Variants in PCDHGA7 observed in about 807,000 individuals in gnomAD.
PCDHGA7 encodes the protein protocadherin gamma subfamily A, 7.
Under a neutral mutation model 58.3 loss-of-function variants are expected in PCDHGA7, and 44 were observed. The ratio of observed to expected loss-of-function variants is 0.75; its 90% CI spans 0.59 to 0.97. The LOEUF (loss-of-function observed/expected upper bound fraction) is 0.97, where lower values mean the gene tolerates loss of function less well. Among genes scored for constraint, PCDHGA7 ranks in the 50% least tolerant of loss-of-function variants. The pLI is 0.00. For missense variants in PCDHGA7, 1,266 were observed against 1,188.7 expected (o/e 1.06, Z -0.96); for synonymous variants, 516 against 504.2 (o/e 1.02, Z -0.31).
chr5:141,410,167 T>A (rs372848702), intron 1 of PCDHGA7: 1 of 1,613,770 alleles, frequency 6.2e-7, no homozygotes, highest in South Asian at 1.1e-5. Flanking sequence ...CGCCACTCTC[T>A]GCCACCGCCA....
At position 141,410,612 on chromosome 5, in the gene PCDHGA7, C is replaced by CT. The variant is rs748943892; in HGVS notation, c.2424+25290dup. The CT allele has an allele frequency of 5.6e-6, 9 of 1,605,878 alleles. 1 individual carries two copies. The South Asian group carries it at 9.9e-5, about 18-fold the overall frequency. On this transcript the variant is annotated intron_variant, in intron 1 of 3. Transcript: ENST00000518325. ...GGATTTGACTTCACATCCTGAGACT[C>CT]TGACTTCGGTGAGTTTCTCTTTTTT...
intron 1 of PCDHGA7, chr5:141,393,380 C>T (rs771237283): frequency 6.2e-7 from 1 of 1,613,988 alleles, no homozygotes; most frequent in South Asian, 1.1e-5. Context: ...ACAATGGAGC[C>T]ATAAACCCAG....
rs776219135 is a variant in PCDHGA7, at chr5:141,403,980, A to G, written c.2424+18657A>G. ...ATTTCGGTGGAAGATGTAAATGACA[A>G]TAGACCTGAAGTGACCATTACATCT... On this transcript the variant is annotated intron_variant, in intron 1 of 3. Coordinates refer to ENST00000518325, the MANE Select transcript of PCDHGA7 (RefSeq NM_018920.4). The G allele has an allele frequency of 5.0e-6, 8 of 1,613,890 alleles. No homozygotes were observed. In the South Asian group the frequency reaches 8.8e-5, roughly 18 times the overall value.
At chr5:141,426,655 A>C (rs2096950037) in intron 1 of PCDHGA7, 1 of 424,748 alleles carries the variant, frequency 2.4e-6, no homozygotes, top group Non-Finnish European at 4.8e-6. Flanking sequence ...ATGATAGAAG[A>C]TATAAATGAT....
Position 141,485,548 on chromosome 5 carries a change from T to C in PCDHGA7, c.2425-9259T>C, listed in dbSNP as rs749739126. ...ACCGAGCAGAGGTAGAGATCGTAGA[T>C]GTGAATGATCACGCCCCCCGTTTTC... On this transcript the variant is annotated intron_variant, in intron 1 of 3. Transcript: ENST00000518325. This position sits in a 1 kb window ranked among gnomAD's most constrained non-coding sequence, Gnocchi z 5.7. The C allele has an allele frequency of 3.1e-6, 5 of 1,614,040 alleles. No homozygotes were observed. The highest frequency in any genetic ancestry group is 3.4e-6 in the Non-Finnish European group (4 of 1,179,942).
chr5:141,436,040 C>T (rs989038133), intron 1 of PCDHGA7, among the ~76,000 whole-genome samples: 1 of 152,060 alleles, frequency 6.6e-6, no homozygotes, highest in African/African-American at 2.4e-5. Context: ...TTTGTATTTA[C>T]ATTAGTTTTC....
At chr5:141,503,517 T>C (rs6878542) in intron 2 of PCDHGA7, among the ~76,000 whole-genome samples, 77,350 of 150,132 alleles carry the variant, frequency 0.52, 20,504 homozygotes, top group African/African-American at 0.63. Flanking sequence ...GAGAATCACT[T>C]GAACCTGGGA....
At chr5:141,387,891 A>T (rs774395551) in intron 1 of PCDHGA7, 36 of 1,554,882 alleles carry the variant, frequency 2.3e-5, no homozygotes, top group Non-Finnish European at 2.9e-5. Context: ...AGGGATGGGG[A>T]GCGGCGCCGG....
chr5:141,428,861 T>G (rs1435613271), intron 1 of PCDHGA7: 1 of 73,058 alleles, frequency 1.4e-5, no homozygotes, highest in Non-Finnish European at 2.5e-5. Flanking sequence ...TACGGGAGAC[T>G]TTTTTTTTTT....
At position 141,432,180 on chromosome 5, in the gene PCDHGA7, T is replaced by G. The variant is rs943491593; in HGVS notation, c.2424+46857T>G. 2 of 1,614,044 alleles carry G rather than the reference T, an allele frequency of 1.2e-6. No homozygotes were observed. The highest frequency in any genetic ancestry group is 1.7e-6 in the Non-Finnish European group (2 of 1,180,036). ...CCCAGAGGAGTTTCCCTCGTCTCTG[T>G]GACCGCCCACGACCCCGACTGTGAA... On this transcript the variant is annotated intron_variant, in intron 1 of 3. Coordinates refer to ENST00000518325, the MANE Select transcript of PCDHGA7 (RefSeq NM_018920.4). This position sits in a 1 kb window ranked among gnomAD's most constrained non-coding sequence, Gnocchi z 6.0.
intron 1 of PCDHGA7, chr5:141,413,606 TA>T (rs778210256): frequency 6.8e-6 from 11 of 1,613,848 alleles, no homozygotes; most frequent in Admixed American, 5.0e-5. Context: ...AATCTAGACG[TA>T]AAAATTAATG....
intron 1 of PCDHGA7, among the ~76,000 whole-genome samples, chr5:141,483,432 A>G (rs756227206): frequency 2.0e-5 from 3 of 152,200 alleles, no homozygotes; most frequent in African/African-American, 4.8e-5. Flanking sequence ...GAGGGAGCTG[A>G]CTACAATAAA....
intron 1 of PCDHGA7, chr5:141,415,589 T>C: frequency 1.2e-6 from 2 of 1,614,062 alleles, no homozygotes; most frequent in Non-Finnish European, 1.7e-6. Flanking sequence ...AAGTTTCCTA[T>C]AGAGGATACC....
At chr5:141,496,509 C>A (rs955577717) in intron 2 of PCDHGA7, among the ~76,000 whole-genome samples, 3 of 152,168 alleles carry the variant, frequency 2.0e-5, no homozygotes, top group Non-Finnish European at 4.4e-5. Context: ...GCCACAAGGA[C>A]CCAGGAGCCC....
At chr5:141,482,371 T>C (rs1191880709) in intron 1 of PCDHGA7, among the ~76,000 whole-genome samples, 2 of 152,100 alleles carry the variant, frequency 1.3e-5, no homozygotes, top group African/African-American at 2.4e-5. Flanking sequence ...AAGTAATGCA[T>C]ATAAAGTCCC....
chr5:141,432,266 T>G lies in PCDHGA7; in HGVS notation c.2424+46943T>G. ...CACCATCCAAGGGGCAAGCCTATCG[T>G]CCTACGTGTCCATCAACTCCGACAC... On this transcript the variant is annotated intron_variant, in intron 1 of 3. Transcript: ENST00000518325. This position sits in a 1 kb window ranked among gnomAD's most constrained non-coding sequence, Gnocchi z 6.0. The G allele has an allele frequency of 6.2e-7, 1 of 1,614,214 alleles. No individual in the cohort carries two copies. Among genetic ancestry groups the G allele is most frequent in the East Asian group, 2.2e-5 (1 of 44,880 alleles).
In PCDHGA7 at chr5:141,422,644, T is replaced by C. The variant is rs770618826; in HGVS notation, c.2424+37321T>C. 9 of 1,612,266 alleles carry C rather than the reference T, an allele frequency of 5.6e-6. No homozygotes were observed. The Admixed American group carries it at 1.5e-4, about 27-fold the overall frequency. ...AAACAACCCCAGGGGTGCCTCCATC[T>C]TCTCAGTGACCGCCCTCGACCCGGA... On this transcript the variant is annotated intron_variant, in intron 1 of 3. Coordinates refer to ENST00000518325, the MANE Select transcript of PCDHGA7 (RefSeq NM_018920.4).
At chr5:141,423,695 G>T in intron 1 of PCDHGA7, 1 of 1,338,020 alleles carries the variant, frequency 7.5e-7, no homozygotes, top group Non-Finnish European at 9.7e-7. Context: ...AATTGTTGGT[G>T]TCTTGGCACA....
intron 1 of PCDHGA7, chr5:141,389,107 T>C (rs1349471179): frequency 1.2e-6 from 2 of 1,613,940 alleles, no homozygotes; most frequent in Non-Finnish European, 8.5e-7. Context: ...GATGCTGTTC[T>C]AGACCGCGAG....
Sources: allele counts gnomAD v4.1 joint callset (sites outside exome capture counted in the v4.1 genomes callset), GRCh38; gene constraint gnomAD v4.1.1; non-coding constraint Gnocchi (gnomAD v3.1); transcripts MANE v1.5; gene names NCBI Gene and HGNC (gene_info 2026-07-23, HGNC 2026-07-21).